Variants in MCF2 observed in about 807,000 individuals in gnomAD.
MCF2 encodes the protein MCF.2 cell line derived transforming sequence.
Under a neutral mutation model 82.5 loss-of-function variants are expected in MCF2, and 44 were observed. That is an observed-to-expected ratio of 0.53 (90% CI 0.42 to 0.69). MCF2 has a LOEUF of 0.69. Ranked by LOEUF, MCF2 falls within the 30% of genes least tolerant of loss-of-function variation. The pLI is 0.00. For missense variants in MCF2, 623 were observed against 663.1 expected, an observed-to-expected ratio of 0.94 and a Z score of 0.66; for synonymous variants, 217 against 224.9, an observed-to-expected ratio of 0.96 and a Z score of 0.32.
intron 1 of MCF2, among the ~76,000 whole-genome samples, chrX:139,665,567 T>C (rs1441900253): frequency 1.8e-5 from 2 of 111,089 alleles, no homozygotes; most frequent in African/African-American, 3.3e-5. Context: ...AGGGATGGCA[T>C]TGGCAATTCA....
rs750843638 is a variant in MCF2 at position 139,601,653 on chromosome X, AC to A, written c.1836+752del. Among the ~76,000 whole-genome samples, 3 of 111,303 alleles carry A rather than the reference AC, an allele frequency of 2.7e-5. No homozygotes were observed. The Admixed American group carries it at 2.9e-4, about 11-fold the overall frequency. On this transcript the variant is annotated intron_variant, in intron 16 of 24. Coordinates refer to ENST00000370576, the Ensembl canonical transcript of MCF2. The stretch of plus-strand genomic sequence containing the variant: ...TAAACAAGAAAAATAAAGACATGGC[AC>A]CTAGGAATGAGGAGAGCCTATGCAA...
At chrX:139,693,424 A>G (rs1265861372) in intron 1 of MCF2, among the ~76,000 whole-genome samples, 1 of 109,731 alleles carries the variant, frequency 9.1e-6, no homozygotes, top group Non-Finnish European at 1.9e-5. Context: ...GGAATCGCCA[A>G]TTTATACCTG....
chrX:139,667,742 T>C (rs1934567550), intron 1 of MCF2, among the ~76,000 whole-genome samples: 2 of 111,672 alleles, frequency 1.8e-5, no homozygotes, highest in African/African-American at 6.5e-5. Flanking sequence ...GCAGCCATGC[T>C]AAGGCCCTGT....
chrX:139,667,087 T>A (rs911851119), intron 1 of MCF2, among the ~76,000 whole-genome samples: 4 of 111,535 alleles, frequency 3.6e-5, no homozygotes, highest in Non-Finnish European at 7.5e-5. Context: ...TATCCATCTC[T>A]TTGGTAAACT....
At chrX:139,678,105 G>A (rs1298478248) in intron 1 of MCF2, among the ~76,000 whole-genome samples, 3 of 111,858 alleles carry the variant, frequency 2.7e-5, no homozygotes, top group South Asian at 7.5e-4. Context: ...CGAGGCTGCA[G>A]TGAGCTGTGA....
chrX:139,667,870 T>A (rs73243368), intron 1 of MCF2, among the ~76,000 whole-genome samples: 10,744 of 111,868 alleles, frequency 0.096, 515 homozygotes, highest in Non-Finnish European at 0.15. Context: ...AGTGGTAGCA[T>A]ACTGCTTGGG....
At chrX:139,645,425 C>A, upstream of MCF2, 1 of 383,602 alleles carries the variant, frequency 2.6e-6, no homozygotes, top group East Asian at 4.1e-5. Flanking sequence ...GTCTCTGCTA[C>A]AACCTCTCCT....
chrX:139,681,148 T>C (rs1001065643), intron 1 of MCF2, among the ~76,000 whole-genome samples: 1 of 112,564 alleles, frequency 8.9e-6, no homozygotes, highest in Non-Finnish European at 1.9e-5. Flanking sequence ...GAAAATGTTA[T>C]TTAAAATAAC....
chrX:139,601,583 T>C, intron 16 of MCF2, among the ~76,000 whole-genome samples: 1 of 111,579 alleles, frequency 9.0e-6, no homozygotes, highest in Non-Finnish European at 1.9e-5. Flanking sequence ...GTGTACACTT[T>C]CTTGGGAAAA....
At chrX:139,616,508 T>C (rs1931919975) in intron 8 of MCF2, 35 bp from the exon 12 acceptor site, 1 of 650,709 alleles carries the variant, frequency 1.5e-6, no homozygotes, top group Non-Finnish European at 2.2e-6. Flanking sequence ...AAAAAAAATA[T>C]GAATTAATAA....
At chrX:139,704,091 A>T (rs2805895) in intron 1 of MCF2, among the ~76,000 whole-genome samples, 1 of 109,844 alleles carries the variant, frequency 9.1e-6, no homozygotes, top group East Asian at 2.9e-4. Context: ...TCAAAAAAAA[A>T]CATACGTCAA....
intron 17 of MCF2, among the ~76,000 whole-genome samples, 197 bp downstream of exon 21, chrX:139,598,209 A>T (rs1380382706): frequency 1.8e-5 from 2 of 112,394 alleles, no homozygotes; most frequent in Non-Finnish European, 3.8e-5. Context: ...AGATATTCTC[A>T]GCCTGATATC....
At chrX:139,706,135 C>A (rs1176958765) in intron 1 of MCF2, among the ~76,000 whole-genome samples, 1 of 112,334 alleles carries the variant, frequency 8.9e-6, no homozygotes, top group Non-Finnish European at 1.9e-5. Flanking sequence ...GTAAATTAGT[C>A]CAGCCGCTGT....
At chrX:139,684,500 CAT>C (rs962078271) in intron 1 of MCF2, among the ~76,000 whole-genome samples, 6 of 111,708 alleles carry the variant, frequency 5.4e-5, no homozygotes, top group Admixed American at 3.8e-4. Context: ...GAAATGAAAA[CAT>C]ATGTCCACAT....
rs758541300 is a variant in MCF2 at position 139,604,861 on chromosome X, T to G, written c.1673+8A>C. The stretch of plus-strand genomic sequence containing the variant: ...AAAAAATAAATATTCAATTCAGCAA[T>G]TACATACTCGTTATGGAATTCATAT... On this transcript the variant is annotated splice_region_variant and intron_variant, in intron 14 of 24. Transcript: ENST00000370576. 9.0e-7 allele frequency: 1 copy of G among 1,114,969 alleles called. No individual in the cohort carries two copies. The highest frequency in any genetic ancestry group is 1.2e-6 in the Non-Finnish European group (1 of 815,183). 91.9% of individuals were successfully genotyped at this position (1,114,969 alleles called of 1,213,427 possible).
rs56716239 is a variant in MCF2, at chrX:139,651,805, T to C, written c.-44-17A>G. 4,587 of 1,025,668 alleles carry C rather than the reference T, an allele frequency of 4.5e-3. 111 individuals carry two copies. The African/African-American group carries it at 0.074, about 17-fold the overall frequency. The allele number at this position is 1,025,668 out of a possible 1,213,427, so 84.5% of individuals were successfully genotyped here. A position where few individuals can be genotyped will look rare whatever the true frequency, so the allele number is the denominator to read the frequency against. On this transcript the variant is annotated splice_polypyrimidine_tract_variant and intron_variant, in intron 1 of 27. Transcript: ENST00000414978. ...GATCGGTTTCTATGACAAACGAAAA[T>C]AGAAGAAATGACATACATGTTAAGG... is the stretch of plus-strand genomic sequence containing the variant.
intron 1 of MCF2, among the ~76,000 whole-genome samples, chrX:139,641,577 T>C (rs931284228): frequency 9.0e-6 from 1 of 111,441 alleles, no homozygotes; most frequent in Non-Finnish European, 1.9e-5. Context: ...TACCTTCTTA[T>C]CTGTGTGTGT....
At chrX:139,654,032 T>C (rs1934117333) in intron 1 of MCF2, among the ~76,000 whole-genome samples, 1 of 112,034 alleles carries the variant, frequency 8.9e-6, no homozygotes, top group Non-Finnish European at 1.9e-5. Flanking sequence ...ATTTTCTTTA[T>C]CCATTCATCT....
chrX:139,703,395 A>C (rs2148588897), intron 1 of MCF2, among the ~76,000 whole-genome samples: 1 of 111,627 alleles, frequency 9.0e-6, no homozygotes, highest in East Asian at 2.8e-4. Flanking sequence ...TAAATTCAGG[A>C]GGTCCAATAT....
Sources: allele counts gnomAD v4.1 joint callset (sites outside exome capture counted in the v4.1 genomes callset), GRCh38; gene constraint gnomAD v4.1.1; transcripts MANE v1.5; gene names NCBI Gene and HGNC (gene_info 2026-07-23, HGNC 2026-07-21).